Variants in MSN observed in about 807,000 individuals in gnomAD.
MSN encodes the protein epididymis luminal protein 70.
Under a neutral mutation model 48.0 loss-of-function variants are expected in MSN, and 2 were observed. The ratio of observed to expected loss-of-function variants is 0.04; its 90% CI spans 0.02 to 0.13. The LOEUF is 0.13. Among genes scored for constraint, MSN ranks in the 10% least tolerant of loss-of-function variants. MSN has a pLI of 1.00. For synonymous variants in MSN, 146 were observed against 166.9 expected (o/e 0.87, Z 0.97); for missense variants, 267 against 470.1 (o/e 0.57, Z 3.99).
chrX:65,686,473 T>A (rs1430935503), intron 1 of MSN, among the ~76,000 whole-genome samples: 1 of 112,758 alleles, frequency 8.9e-6, no homozygotes, highest in Non-Finnish European at 1.9e-5. Flanking sequence ...GCCTGCACAC[T>A]CTTAGTGATT....
At chrX:65,642,628 A>G (rs2070665765) in intron 1 of MSN, among the ~76,000 whole-genome samples, 1 of 111,617 alleles carries the variant, frequency 9.0e-6, no homozygotes, top group Non-Finnish European at 1.9e-5. Context: ...TGTAAATCTC[A>G]GGGAAACTGA....
At chrX:65,678,821 T>A (rs2071027319) in intron 1 of MSN, among the ~76,000 whole-genome samples, 2 of 112,169 alleles carry the variant, frequency 1.8e-5, no homozygotes, top group Admixed American at 1.9e-4. Flanking sequence ...AAGTCACTTT[T>A]ATGAGGCTTA....
chrX:65,685,905 C>T, intron 1 of MSN, among the ~76,000 whole-genome samples: 1 of 112,388 alleles, frequency 8.9e-6, no homozygotes, highest in East Asian at 2.8e-4. Flanking sequence ...GGGTGTACAA[C>T]CCCCCACTGC....
At chrX:65,724,534 A>T (rs2071549178) in intron 2 of MSN, among the ~76,000 whole-genome samples, 1 of 111,499 alleles carries the variant, frequency 9.0e-6, no homozygotes, top group South Asian at 3.7e-4. Context: ...CACTCCTGGG[A>T]TTTCTGGGAC....
intron 1 of MSN, among the ~76,000 whole-genome samples, chrX:65,674,261 A>G (rs1387679587): frequency 9.0e-6 from 1 of 111,443 alleles, no homozygotes; most frequent in Non-Finnish European, 1.9e-5. Context: ...CATCGTATTC[A>G]TAGCCAGAGG....
chrX:65,737,113 C>A (rs878890560), intron 9 of MSN, 65 bp from the exon 10 acceptor site: 1 of 1,150,502 alleles, frequency 8.7e-7, no homozygotes. Flanking sequence ...TTTCCAGGAA[C>A]GAAGCTATTG....
chrX:65,594,248 A>G (rs1351374450), intron 1 of MSN, among the ~76,000 whole-genome samples: 1 of 112,074 alleles, frequency 8.9e-6, no homozygotes, highest in African/African-American at 3.2e-5. Context: ...CCCTAAGGGC[A>G]CAAAGGCAAG....
chrX:65,671,464 C>T (rs1192107277), intron 1 of MSN, among the ~76,000 whole-genome samples: 1 of 111,681 alleles, frequency 9.0e-6, no homozygotes, highest in African/African-American at 3.3e-5. Flanking sequence ...GTTTATTCTC[C>T]TGCCATTCCT....
intron 5 of MSN, among the ~76,000 whole-genome samples, chrX:65,731,399 A>G (rs755877499): frequency 8.9e-6 from 1 of 112,249 alleles, no homozygotes; most frequent in East Asian, 2.8e-4. Context: ...CTGGTAGCCC[A>G]AACAGTTTTG....
intron 1 of MSN, among the ~76,000 whole-genome samples, chrX:65,659,980 G>A (rs188834996): frequency 6.9e-4 from 76 of 109,583 alleles, no homozygotes; most frequent in African/African-American, 2.4e-3. Context: ...AAGGTGGGGG[G>A]ACTATCAGAA....
At chrX:65,588,717 G>A (rs1370516096) in intron 1 of MSN, 2 of 616,081 alleles carry the variant, frequency 3.2e-6, no homozygotes, top group Non-Finnish European at 4.0e-6. Context: ...GGAGGTTTAG[G>A]CAAACTCTTC....
In MSN at chrX:65,652,501, C is replaced by T. The variant is rs189631208; in HGVS notation, c.-22+63889C>T. 2.3e-4 allele frequency among the ~76,000 whole-genome samples: 26 copies of T among 111,532 alleles called. 1 individual carries two copies. The highest frequency in any genetic ancestry group is 2.1e-3 in the Admixed American group (22 of 10,460). ...CTAAACAAGAGAAGCTCTCATTTCT[C>T]CTGGGTCTCAGATCTGGCCCTGAGC... On this transcript the variant is annotated intron_variant, in intron 1 of 3. Coordinates refer to the MSN transcript ENST00000609672.
intron 1 of MSN, among the ~76,000 whole-genome samples, chrX:65,629,742 G>A (rs5964994): frequency 0.13 from 14,347 of 111,039 alleles, 2,287 homozygotes; most frequent in African/African-American, 0.44. Context: ...TGAGAATAGC[G>A]TGGGAAAGAC....
At chrX:65,589,715 G>C (rs945466757) in intron 1 of MSN, 1 of 111,522 alleles carries the variant, frequency 9.0e-6, no homozygotes, top group African/African-American at 3.3e-5. Context: ...ACTGATCCTG[G>C]ATGTTGGTGG....
chrX:65,678,062 A>G (rs2071018700), intron 1 of MSN, among the ~76,000 whole-genome samples: 1 of 110,821 alleles, frequency 9.0e-6, no homozygotes, highest in Non-Finnish European at 1.9e-5. Context: ...GCCAGAGGAA[A>G]CCGATGACTA....
intron 1 of MSN, chrX:65,588,699 C>G (rs919880156): frequency 2.8e-6 from 2 of 712,403 alleles, no homozygotes; most frequent in East Asian, 1.7e-4. Context: ...CCCTCAGGGA[C>G]AAACATGGGA....
Position 65,627,150 on chromosome X carries a change from C to T in MSN, c.-22+38538C>T, listed in dbSNP as rs772103479. Among the ~76,000 whole-genome samples, 8 of 109,249 alleles carry T rather than the reference C, an allele frequency of 7.3e-5. No individual in the cohort carries two copies. The South Asian group carries it at 2.7e-3, about 37-fold the overall frequency. 94.9% of individuals were successfully genotyped at this position (109,249 alleles called of 115,157 possible). ...AGTTTCTGCTTGTTTTTTGATATTT[C>T]TGTGGAGGGATGAGAACTTGAAGCT... On this transcript the variant is annotated intron_variant, in intron 1 of 3. Transcript: ENST00000609672.
chrX:65,698,718 GA>G (rs1464031325), intron 1 of MSN, among the ~76,000 whole-genome samples: 1 of 112,239 alleles, frequency 8.9e-6, no homozygotes, highest in Non-Finnish European at 1.9e-5. Context: ...GGAATTGCCT[GA>G]AGAGTTCAGT....
chrX:65,592,349 C>T (rs934933581), intron 1 of MSN, among the ~76,000 whole-genome samples: 2 of 108,525 alleles, frequency 1.8e-5, no homozygotes, highest in Non-Finnish European at 3.8e-5. Context: ...GCACGTGCCA[C>T]CACACCCAGC....
Sources: allele counts gnomAD v4.1 joint callset (sites outside exome capture counted in the v4.1 genomes callset), GRCh38; gene constraint gnomAD v4.1.1; transcripts MANE v1.5; gene names NCBI Gene and HGNC (gene_info 2026-07-23, HGNC 2026-07-21).